The following GLT8D2 variants were observed in gnomAD, a reference collection of about 807,000 sequenced individuals.
The protein encoded by GLT8D2 is glycosyltransferase 8 domain-containing protein 2.
In GLT8D2, 45 loss-of-function variants were observed where a neutral mutation model predicts 44.5. That is an observed-to-expected ratio of 1.01 (90% CI 0.80 to 1.30). The LOEUF (loss-of-function observed/expected upper bound fraction) is 1.30. Ranked by LOEUF, GLT8D2 falls within the 50% of genes most tolerant of loss-of-function variation. The pLI, the probability that GLT8D2 is intolerant of heterozygous loss-of-function variation, is 0.00. For missense variants in GLT8D2, 400 were observed against 430.4 expected (o/e 0.93, Z 0.62); for synonymous variants, 156 against 157.2 (o/e 0.99, Z 0.06).
At chr12:104,040,259 A>AGTT in intron 1 of GLT8D2, among the ~76,000 whole-genome samples, 1 of 152,330 alleles carries the variant, frequency 6.6e-6, no homozygotes, top group Middle Eastern at 3.4e-3. Context: ...ACAAACCTGC[A>AGTT]CGTTGTGCAC....
chr12:104,021,936 GAAGAAGAA>G (rs1566202456), intron 1 of GLT8D2, among the ~76,000 whole-genome samples: 260 of 25,590 alleles, frequency 0.01, 31 homozygotes, highest in East Asian at 0.06. Flanking sequence ...AGAAGAAGAA[GAAGAAGAA>G]GAAGAAGAAG....
intron 1 of GLT8D2, among the ~76,000 whole-genome samples, chr12:104,045,951 AAG>A (rs1258698352): frequency 1.4e-5 from 2 of 147,544 alleles, no homozygotes; most frequent in East Asian, 4.2e-4. Context: ...GAAAGAAAGA[AAG>A]AAAATAAGAA....
At chr12:104,009,929 A>G (rs1323098531) in intron 4 of GLT8D2, among the ~76,000 whole-genome samples, 1 of 152,140 alleles carries the variant, frequency 6.6e-6, no homozygotes, top group East Asian at 1.9e-4. Context: ...CTGTAAGTCC[A>G]ATTAAACCTC....
At chr12:104,001,860 T>C (rs192665421) in intron 5 of GLT8D2, among the ~76,000 whole-genome samples, 1 of 152,126 alleles carries the variant, frequency 6.6e-6, no homozygotes, top group Non-Finnish European at 1.5e-5. Flanking sequence ...TGTGCTAACA[T>C]GCTCAGCAAA....
intron 1 of GLT8D2, among the ~76,000 whole-genome samples, chr12:104,046,163 C>A (rs1203844738): frequency 6.6e-6 from 1 of 152,100 alleles, no homozygotes; most frequent in Non-Finnish European, 1.5e-5. Context: ...GACTGTGAAT[C>A]CTAATTAGCT....
At chr12:104,020,469 A>G (rs914255396) in intron 2 of GLT8D2, among the ~76,000 whole-genome samples, 3 of 152,192 alleles carry the variant, frequency 2.0e-5, no homozygotes, top group Admixed American at 2.0e-4. Context: ...AGATCCTACT[A>G]AAAGCCCAGC....
At chr12:104,027,926 T>G (rs570502844) in intron 1 of GLT8D2, among the ~76,000 whole-genome samples, 1 of 152,268 alleles carries the variant, frequency 6.6e-6, no homozygotes, top group East Asian at 1.9e-4. Context: ...GATTTCACCG[T>G]GTGTTGATGA....
At chr12:104,024,833 G>T (rs764745160) in intron 1 of GLT8D2, among the ~76,000 whole-genome samples, 2 of 152,120 alleles carry the variant, frequency 1.3e-5, no homozygotes, top group Non-Finnish European at 2.9e-5. Flanking sequence ...CACTTTGAGA[G>T]GTTGAGGCTG....
intron 4 of GLT8D2, among the ~76,000 whole-genome samples, chr12:104,005,207 C>T (rs1195182535): frequency 6.6e-6 from 1 of 152,174 alleles, no homozygotes; most frequent in Admixed American, 6.5e-5. Flanking sequence ...GGACCCCTTC[C>T]TTACACCTTA....
intron 3 of GLT8D2, among the ~76,000 whole-genome samples, chr12:104,018,316 T>C (rs553268369): frequency 1.3e-5 from 2 of 152,316 alleles, no homozygotes; most frequent in Admixed American, 1.3e-4. Context: ...ACTTAATCTA[T>C]TGACTTCATA....
At chr12:104,038,208 G>A (rs1880124145) in intron 1 of GLT8D2, among the ~76,000 whole-genome samples, 2 of 152,144 alleles carry the variant, frequency 1.3e-5, no homozygotes, top group African/African-American at 4.8e-5. Context: ...GGCAAAAACT[G>A]AAAGCATTCC....
At chr12:104,059,777 G>T (rs115531329) in intron 1 of GLT8D2, among the ~76,000 whole-genome samples, 461 of 152,208 alleles carry the variant, frequency 3.0e-3, no homozygotes, top group African/African-American at 0.01. Context: ...CAAGGAGAAG[G>T]TTGGAAATGA....
chr12:103,991,791 T>C (rs1388301669), intron 10 of GLT8D2, among the ~76,000 whole-genome samples: 1 of 117,964 alleles, frequency 8.5e-6, no homozygotes, highest in African/African-American at 3.4e-5. Flanking sequence ...ATCGAGAGCA[T>C]ACAGGAACTC....
intron 3 of GLT8D2, among the ~76,000 whole-genome samples, chr12:104,016,021 T>C (rs149018902): frequency 6.6e-6 from 1 of 152,322 alleles, no homozygotes; most frequent in East Asian, 1.9e-4. Flanking sequence ...ACGTATCATC[T>C]GCAAACAGGA....
At chr12:104,051,941 G>A (rs1460843865), upstream of GLT8D2, among the ~76,000 whole-genome samples, 2 of 152,024 alleles carry the variant, frequency 1.3e-5, no homozygotes, top group Non-Finnish European at 2.9e-5. Context: ...TTATATGAAT[G>A]TATTAATATT....
At position 103,997,675 on chromosome 12, in the gene GLT8D2, T is replaced by A; in HGVS notation, c.403-140A>T. The A allele has an allele frequency of 1.3e-5, 8 of 631,110 alleles. No homozygotes were observed. In the South Asian group the frequency reaches 1.5e-4, roughly 12 times the overall value. 39.1% of individuals were successfully genotyped at this position (631,110 alleles called of 1,614,324 possible). On this transcript the variant is annotated intron_variant, in intron 6 of 10. Coordinates refer to ENST00000360814, the MANE Select transcript of GLT8D2 (RefSeq NM_001384711.1). The stretch of plus-strand genomic sequence containing the variant: ...CGGAATAAAACAGGAGCTAGCAAGA[T>A]GTCTCATCTGAGCTTCCCAGTGCCC...
At position 103,989,256 on chromosome 12, in the gene GLT8D2, TC is replaced by T. The variant is rs1849794809; in HGVS notation, c.*151del. 1.8e-6 allele frequency: 1 copy of T among 568,844 alleles called. No homozygotes were observed. The highest frequency in any genetic ancestry group is 3.0e-6 in the Non-Finnish European group (1 of 331,198). 35.2% of individuals were successfully genotyped at this position (568,844 alleles called of 1,614,324 possible). ...AAGAAGTTAATCAATGCCTATATGG[TC>T]CAAGGTATAATTTGCACACAGTAGT... On this transcript the variant is annotated 3_prime_UTR_variant, in exon 11 of 11. Coordinates refer to ENST00000360814, the MANE Select transcript of GLT8D2 (RefSeq NM_001384711.1).
chr12:104,063,078 A>G (rs1249149680), intron 1 of GLT8D2, among the ~76,000 whole-genome samples: 1 of 152,020 alleles, frequency 6.6e-6, no homozygotes. Flanking sequence ...CATAGCCCCC[A>G]TCCCCTTGCC....
chr12:104,053,079 T>C (rs1881861142), upstream of GLT8D2, among the ~76,000 whole-genome samples: 3 of 152,202 alleles, frequency 2.0e-5, no homozygotes, highest in African/African-American at 7.2e-5. Flanking sequence ...CCCACCGCCC[T>C]TCCAGAATTA....
Sources: allele counts gnomAD v4.1 joint callset (sites outside exome capture counted in the v4.1 genomes callset), GRCh38; gene constraint gnomAD v4.1.1; transcripts MANE v1.5; gene names NCBI Gene and HGNC (gene_info 2026-07-23, HGNC 2026-07-21).